PIK3CB: variants seen among roughly 807,000 people sequenced by gnomAD.
PIK3CB encodes phosphatidylinositol 4,5-bisphosphate 3-kinase catalytic subunit beta isoform.
Under a neutral mutation model 136.8 loss-of-function variants are expected in PIK3CB, and 39 were observed. The observed-to-expected ratio is 0.29, with a 90% confidence interval of 0.22 to 0.37. The LOEUF is 0.37. PIK3CB is among the 10% of genes least tolerant of loss of function. The probability of loss-of-function intolerance (pLI) is 1.00; values close to 1 mark genes in which losing one functional copy is unlikely to be tolerated. For synonymous variants in PIK3CB, 428 were observed against 436.6 expected (o/e 0.98, Z 0.25); for missense variants, 868 against 1,275.4 (o/e 0.68, Z 4.87).
chr3:138,712,782 G>T (rs2044531056), intron 9 of PIK3CB, among the ~76,000 whole-genome samples: 1 of 152,050 alleles, frequency 6.6e-6, no homozygotes, highest in Admixed American at 6.6e-5. Context: ...GGACAGGCTG[G>T]TCTCAAACTC....
rs368666207 is a variant in PIK3CB at position 138,683,669 on chromosome 3, A to C, written c.2425+9T>G. 1.4e-4 allele frequency: 186 copies of C among 1,305,990 alleles called. No individual in the cohort carries two copies. Among genetic ancestry groups the C allele is most frequent in the Non-Finnish European group, 2.0e-4 (176 of 901,638 alleles). The allele number at this position is 1,305,990 out of a possible 1,614,324, so 80.9% of individuals were successfully genotyped here. ...TAAGAAATTTGATGTTAAAAATCTC[A>C]GTACTTACCATCACCATTTTTAAAA... is the stretch of plus-strand genomic sequence containing the variant. On this transcript the variant is annotated intron_variant, in intron 18 of 23. Coordinates refer to ENST00000674063, the MANE Select transcript of PIK3CB (RefSeq NM_006219.3).
intron 1 of PIK3CB, among the ~76,000 whole-genome samples, chr3:138,829,410 G>C (rs916310674): frequency 6.6e-6 from 1 of 152,174 alleles, no homozygotes; most frequent in African/African-American, 2.4e-5. Context: ...GAGGCAAGGA[G>C]ACCAGTTAGG....
intron 14 of PIK3CB, among the ~76,000 whole-genome samples, chr3:138,693,982 A>ATAT (rs1364181810): frequency 8.8e-6 from 1 of 113,244 alleles, no homozygotes; most frequent in Non-Finnish European, 1.8e-5. Context: ...ATATATATAT[A>ATAT]TATATATATA....
intron 8 of PIK3CB, 152 bp downstream of exon 8, chr3:138,733,209 C>A (rs1426883636): frequency 1.5e-5 from 6 of 397,992 alleles, no homozygotes; most frequent in Non-Finnish European, 2.7e-5. Flanking sequence ...AACAAAAATT[C>A]TCAATAGTCT....
rs763877835 is a variant in PIK3CB, at chr3:138,733,441, G to A, written c.973-3C>T. The A allele has an allele frequency of 8.5e-6, 12 of 1,417,114 alleles. No individual in the cohort carries two copies. The highest frequency in any genetic ancestry group is 1.7e-5 in the Admixed American group (1 of 58,650). 87.8% of individuals were successfully genotyped at this position (1,417,114 alleles called of 1,614,324 possible). A position where few individuals can be genotyped will look rare whatever the true frequency, so the allele number is the denominator to read the frequency against. ...GGGTTGTTATTTTCCCAAACATGCT[G>A]TAAAAGAATAAAATAAATACAAATT... On this transcript the variant is annotated splice_region_variant and splice_polypyrimidine_tract_variant and intron_variant, in intron 7 of 23. Transcript: ENST00000674063.
At chr3:138,722,576 G>A (rs2044750906) in intron 8 of PIK3CB, among the ~76,000 whole-genome samples, 1 of 151,610 alleles carries the variant, frequency 6.6e-6, no homozygotes, top group Admixed American at 6.6e-5. Context: ...ATAAATGTTC[G>A]CTAGTATTTA....
At chr3:138,801,092 C>T (rs771296958) in intron 1 of PIK3CB, among the ~76,000 whole-genome samples, 34 of 151,998 alleles carry the variant, frequency 2.2e-4, no homozygotes, top group Non-Finnish European at 3.8e-4. Flanking sequence ...ACAGTAAGTT[C>T]GATAAAAGTT....
chr3:138,681,680 C>T (rs1251383319), intron 19 of PIK3CB, among the ~76,000 whole-genome samples: 1 of 152,170 alleles, frequency 6.6e-6, no homozygotes, highest in Admixed American at 6.5e-5. Flanking sequence ...ACCCACAGTA[C>T]ATCTTTCAAC....
At chr3:138,799,784 C>A (rs1350955893) in intron 1 of PIK3CB, among the ~76,000 whole-genome samples, 1 of 151,876 alleles carries the variant, frequency 6.6e-6, no homozygotes, top group Non-Finnish European at 1.5e-5. Context: ...CTCTAGGGAT[C>A]CTCCCACCTC....
At chr3:138,689,234 G>C (rs1259943424) in intron 15 of PIK3CB, among the ~76,000 whole-genome samples, 1 of 152,104 alleles carries the variant, frequency 6.6e-6, no homozygotes, top group Admixed American at 6.6e-5. Context: ...AGTGTAGCTA[G>C]ATGTCGCTAG....
chr3:138,659,139 C>A (rs2043241715), intron 21 of PIK3CB, among the ~76,000 whole-genome samples: 1 of 152,190 alleles, frequency 6.6e-6, no homozygotes, highest in African/African-American at 2.4e-5. Flanking sequence ...CATCCCTGGC[C>A]TCTATCCACT....
chr3:138,719,067 A>G (rs2044671700), intron 8 of PIK3CB, among the ~76,000 whole-genome samples: 1 of 152,046 alleles, frequency 6.6e-6, no homozygotes, highest in Non-Finnish European at 1.5e-5. Context: ...GTGTTCCCAG[A>G]AATTAGTCAA....
At chr3:138,812,104 A>C (rs1023609697) in intron 1 of PIK3CB, among the ~76,000 whole-genome samples, 5 of 152,084 alleles carry the variant, frequency 3.3e-5, no homozygotes, top group African/African-American at 7.2e-5. Context: ...AAAAAGAAAA[A>C]AGCCAAACTC....
At chr3:138,705,178 AAACAAAACAAACAAAAAAAAAAAC>A (rs2044345785) in intron 11 of PIK3CB, among the ~76,000 whole-genome samples, 3 of 86,766 alleles carry the variant, frequency 3.5e-5, no homozygotes, top group African/African-American at 1.8e-4. Flanking sequence ...AAAAAACAAA[AAACAAAACAAACAAAAAAAAAAAC>A]TTATATTTGC....
chr3:138,788,978 AAAAAAAAAAAAAAAC>A (rs1382863368), intron 2 of PIK3CB, among the ~76,000 whole-genome samples: 2 of 150,676 alleles, frequency 1.3e-5, no homozygotes, highest in African/African-American at 4.9e-5. Flanking sequence ...AAAAAAAAAA[AAAAAAAAAAAAAAAC>A]AAAAAACAAC....
chr3:138,800,467 C>T (rs1370816291), intron 1 of PIK3CB, among the ~76,000 whole-genome samples: 4 of 151,176 alleles, frequency 2.6e-5, no homozygotes, highest in Non-Finnish European at 4.4e-5. Context: ...GGACTACAGG[C>T]GTGTGCCACC....
chr3:138,747,104 A>G (rs1439615802), intron 4 of PIK3CB, among the ~76,000 whole-genome samples: 3 of 88,502 alleles, frequency 3.4e-5, no homozygotes, highest in African/African-American at 1.2e-4. Flanking sequence ...ATATATATAT[A>G]TATATATATG....
rs2108645549 is a variant in PIK3CB, at chr3:138,734,792, A to G, written c.814T>C (p.Cys272Arg). The G allele has an allele frequency of 2.5e-6, 4 of 1,608,826 alleles. No individual in the cohort carries two copies. The highest frequency in any genetic ancestry group is 3.4e-6 in the Non-Finnish European group (4 of 1,177,346). The change falls in exon 7 of 24, where the codon TGT (cysteine) becomes CGT (arginine). Residue 272 changes from cysteine (C) to arginine (R), a missense_variant. Around this residue, in one of 4 missense-constraint regions of PIK3CB, gnomAD observed 612 missense variants for 801.1 expected, o/e 0.76. Transcript: ENST00000674063. ...TGGGGCAGGGCTCTGTTCATCACAC[A>G]GTTCCGGATATACTATAGGGGCAAG... is the stretch of plus-strand genomic sequence containing the variant. ...PLIQFQYIRN[C>R]VMNRALPHFI... is the part of the protein sequence containing the mutation.
chr3:138,740,129 G>A (rs1277488552), intron 5 of PIK3CB, among the ~76,000 whole-genome samples: 1 of 151,592 alleles, frequency 6.6e-6, no homozygotes, highest in Non-Finnish European at 1.5e-5. Flanking sequence ...AGGCCAAAGC[G>A]GGTGGATCAC....
Sources: allele counts gnomAD v4.1 joint callset (sites outside exome capture counted in the v4.1 genomes callset), GRCh38; gene constraint gnomAD v4.1.1; regional missense constraint gnomAD v4.1.1; transcripts MANE v1.5; gene names NCBI Gene and HGNC (gene_info 2026-07-23, HGNC 2026-07-21).